HPS3: variants seen among roughly 807,000 people sequenced by gnomAD.
HPS3 encodes the protein BLOC-2 complex member HPS3.
In HPS3, 79 loss-of-function variants were observed where a neutral mutation model predicts 110.9. The ratio of observed to expected loss-of-function variants is 0.71; its 90% CI spans 0.59 to 0.86. The LOEUF is 0.86. Among genes scored for constraint, HPS3 ranks in the 40% least tolerant of loss-of-function variants. HPS3 has a pLI of 0.00. For missense variants in HPS3, 1,197 were observed against 1,206.2 expected (o/e 0.99, Z 0.11); for synonymous variants, 428 against 451.0 (o/e 0.95, Z 0.65).
At position 149,129,680 on chromosome 3, in the gene HPS3, G is replaced by T. The variant is rs927861886; in HGVS notation, c.-44G>T. On this transcript the variant is annotated 5_prime_UTR_variant, in exon 1 of 17. Coordinates refer to ENST00000296051, the MANE Select transcript of HPS3 (RefSeq NM_032383.5). ...CGCGGTCAGCGCGGGGTCTCCGGGC[G>T]CCCTGCAGGGCGGGCAGGCTGTGCC... The T allele has an allele frequency of 2.1e-6, 3 of 1,442,850 alleles. No homozygotes were observed. The highest frequency in any genetic ancestry group is 2.7e-5 in the South Asian group (2 of 74,608). 89.4% of individuals were successfully genotyped at this position (1,442,850 alleles called of 1,614,324 possible).
At chr3:149,169,244 T>A (rs1724742969) in intron 16 of HPS3, among the ~76,000 whole-genome samples, 1 of 152,158 alleles carries the variant, frequency 6.6e-6, no homozygotes. Context: ...GAACTTTAGG[T>A]TCGTTTCACA....
intron 5 of HPS3, among the ~76,000 whole-genome samples, chr3:149,147,671 T>G (rs1722854874): frequency 6.6e-6 from 1 of 152,166 alleles, no homozygotes; most frequent in Non-Finnish European, 1.5e-5. Flanking sequence ...ATTTGGAGTG[T>G]AGAGCCCTGA....
rs71637027 is a variant in HPS3, at chr3:149,141,545, T to G, written c.970+165T>G. Among the ~76,000 whole-genome samples the G allele has an allele frequency of 0.064, 9,563 of 148,868 alleles. 262 individuals are homozygous for G. Among genetic ancestry groups the G allele is most frequent in the South Asian group, 0.11 (504 of 4,704 alleles). ...TTTTTTTTTTTGTTTTTTTTTTTTT[T>G]TTTTTTTGAGACTGAGTCTCGCTTT... On this transcript the variant is annotated intron_variant, in intron 4 of 16. Transcript: ENST00000296051.
At chr3:149,147,405 G>T (rs1488532068) in intron 5 of HPS3, among the ~76,000 whole-genome samples, 1 of 152,112 alleles carries the variant, frequency 6.6e-6, no homozygotes, top group Non-Finnish European at 1.5e-5. Context: ...CTCTGGTGAA[G>T]GTCTTGCTCA....
In HPS3 at chr3:149,172,318, T is replaced by A. The variant is rs879086473; in HGVS notation, c.*96T>A. ...GTAGAGGAGTTTTTTATTTTATATA[T>A]CACACACACACACACACACACACAC... On this transcript the variant is annotated 3_prime_UTR_variant, in exon 17 of 17. Transcript: ENST00000296051. 419 of 571,942 alleles carry A rather than the reference T, an allele frequency of 7.3e-4. 7 individuals carry two copies. Among genetic ancestry groups the A allele is most frequent in the South Asian group, 2.9e-3 (170 of 58,212 alleles). The allele number at this position is 571,942 out of a possible 1,614,324, so 35.4% of individuals were successfully genotyped here.
Position 149,158,750 on chromosome 3 carries a change from C to T in HPS3, c.1776C>T (p.Asp592=), listed in dbSNP as rs748569943. The change falls in exon 10 of 17, where the codon GAC becomes GAT. Residue 592 remains aspartate (D), a synonymous_variant. Transcript: ENST00000296051. ...LSMAEVLART[D]WTVEDGLQKY... ...TGGCTGAAGTTCTGGCCCGCACGGA[C>T]TGGACAGTAGAGGATGGATTACAGA... 1 of 1,612,800 alleles carries T rather than the reference C, an allele frequency of 6.2e-7. No homozygotes were observed. The highest frequency in any genetic ancestry group is 8.5e-7 in the Non-Finnish European group (1 of 1,178,886).
intron 9 of HPS3, among the ~76,000 whole-genome samples, chr3:149,158,434 C>T (rs1723586649): frequency 6.6e-6 from 1 of 152,126 alleles, no homozygotes; most frequent in Non-Finnish European, 1.5e-5. Context: ...TTTGGAATTT[C>T]TATCTTCTGG....
intron 5 of HPS3, among the ~76,000 whole-genome samples, chr3:149,148,695 A>G (rs1208652615): frequency 1.3e-5 from 2 of 151,264 alleles, no homozygotes; most frequent in Non-Finnish European, 2.9e-5. Flanking sequence ...ATGAGCCACC[A>G]TGCCCGGCCA....
chr3:149,138,112 C>A (rs1388106602), intron 1 of HPS3, among the ~76,000 whole-genome samples: 1 of 152,130 alleles, frequency 6.6e-6, no homozygotes, highest in African/African-American at 2.4e-5. Flanking sequence ...TGCAGGATCT[C>A]TTTAGGCATT....
chr3:149,165,858 T>C (rs904831585), intron 14 of HPS3: 3 of 375,622 alleles, frequency 8.0e-6, no homozygotes, highest in African/African-American at 6.3e-5. Flanking sequence ...TGAGAGATTA[T>C]CAACCTTATT....
At chr3:149,161,766 T>C (rs1279277159) in intron 11 of HPS3, among the ~76,000 whole-genome samples, 3 of 152,170 alleles carry the variant, frequency 2.0e-5, no homozygotes, top group Non-Finnish European at 4.4e-5. Context: ...CTCCTTGGCC[T>C]TCCAAAGTGC....
chr3:149,133,683 C>T (rs1306259328), intron 1 of HPS3, among the ~76,000 whole-genome samples: 5 of 152,140 alleles, frequency 3.3e-5, no homozygotes, highest in Non-Finnish European at 4.4e-5. Flanking sequence ...CCATCAGCAT[C>T]GGGGCAAGAC....
At chr3:149,156,023 G>A (rs1319666719) in intron 8 of HPS3, among the ~76,000 whole-genome samples, 1 of 152,116 alleles carries the variant, frequency 6.6e-6, no homozygotes. Context: ...GACACAGCAA[G>A]ACCCTGACTC....
chr3:149,171,139 G>C (rs563433799), intron 16 of HPS3, among the ~76,000 whole-genome samples: 1 of 152,054 alleles, frequency 6.6e-6, no homozygotes, highest in Non-Finnish European at 1.5e-5. Flanking sequence ...TTAGCTGGAC[G>C]TGGTGGTGCG....
intron 4 of HPS3, among the ~76,000 whole-genome samples, chr3:149,144,813 A>G (rs1306236382): frequency 6.6e-6 from 1 of 152,222 alleles, no homozygotes; most frequent in Non-Finnish European, 1.5e-5. Context: ...TAAAATACAC[A>G]CTAGGTTTTG....
chr3:149,166,340 A>G (rs1317823197), intron 14 of HPS3, among the ~76,000 whole-genome samples: 1 of 152,248 alleles, frequency 6.6e-6, no homozygotes, highest in African/African-American at 2.4e-5. Context: ...ACATGCTTAT[A>G]GAAAATTTGG....
At chr3:149,141,603 G>A (rs1336569268) in intron 4 of HPS3, among the ~76,000 whole-genome samples, 4 of 146,134 alleles carry the variant, frequency 2.7e-5, no homozygotes, top group Non-Finnish European at 4.5e-5. Flanking sequence ...GTGCGATCTC[G>A]GCTCACTGCA....
chr3:149,140,316 GT>G lies in HPS3; in HGVS notation c.532del (p.Ser178LeufsTer2). 1 of 1,613,446 alleles carries G rather than the reference GT, an allele frequency of 6.2e-7. No individual in the cohort carries two copies. The highest frequency in any genetic ancestry group is 8.5e-7 in the Non-Finnish European group (1 of 1,179,466). On this transcript the variant is annotated frameshift_variant, in exon 2 of 17. Coordinates refer to ENST00000296051, the MANE Select transcript of HPS3 (RefSeq NM_032383.5). LOFTEE classifies it high-confidence loss of function. ...GAATTCTCACTATTGGACTTTGAAC[GT>G]TCTTTAATTATACACATAGATAATA... ...NEEFSLLDFE[R>X]SLIIHIDNIT...
rs768073408 is a variant in HPS3 at position 149,141,289 on chromosome 3, C to T, written c.885-6C>T. The T allele has an allele frequency of 1.2e-6, 2 of 1,612,242 alleles. No homozygotes were observed. The highest frequency in any genetic ancestry group is 3.3e-5 in the Admixed American group (2 of 59,828). On this transcript the variant is annotated splice_region_variant and splice_polypyrimidine_tract_variant and intron_variant, in intron 3 of 16. Transcript: ENST00000296051. The stretch of plus-strand genomic sequence containing the variant: ...TTTCCCTTTCTCTGTCTTTTTAAAC[C>T]CACAGACGTTTTGCTCCTGATATTT...
Sources: allele counts gnomAD v4.1 joint callset (sites outside exome capture counted in the v4.1 genomes callset), GRCh38; gene constraint gnomAD v4.1.1; transcripts MANE v1.5; gene names NCBI Gene and HGNC (gene_info 2026-07-23, HGNC 2026-07-21).